Variants in TAFA2 observed in about 807,000 individuals in gnomAD.
The protein encoded by TAFA2 is TAFA chemokine like family member 2.
TAFA2 carries 7 observed loss-of-function variants against 18.8 expected under a neutral mutation model. The observed-to-expected ratio is 0.37, with a 90% CI of 0.21 to 0.70. TAFA2 has a LOEUF of 0.70. Ranked by LOEUF, TAFA2 falls within the 30% of genes least tolerant of loss-of-function variation. The pLI, the probability that TAFA2 is intolerant of heterozygous loss-of-function variation, is 0.53. For missense variants in TAFA2, 122 were observed against 158.1 expected, an observed-to-expected ratio of 0.77 and a Z score of 1.23; for synonymous variants, 60 against 54.2, an observed-to-expected ratio of 1.11 and a Z score of -0.47.
upstream of TAFA2, among the ~76,000 whole-genome samples, chr12:62,193,767 C>A (rs183278996): frequency 6.6e-6 from 1 of 152,236 alleles, no homozygotes; most frequent in East Asian, 1.9e-4. Context: ...CAAAATGTTT[C>A]TGTATGTTCA....
chr12:62,046,407 C>T (rs902140349), intron 1 of TAFA2, among the ~76,000 whole-genome samples: 6 of 151,806 alleles, frequency 4.0e-5, no homozygotes, highest in African/African-American at 1.2e-4. Context: ...ATATGCAGTA[C>T]CTAATTTAGT....
intron 1 of TAFA2, among the ~76,000 whole-genome samples, chr12:62,182,567 C>A (rs1040861229): frequency 6.6e-6 from 1 of 152,212 alleles, no homozygotes; most frequent in African/African-American, 2.4e-5. Flanking sequence ...CCAGAACCTT[C>A]ATTTTAGCAA....
At chr12:62,097,321 A>C (rs1868995367) in intron 1 of TAFA2, among the ~76,000 whole-genome samples, 1 of 152,176 alleles carries the variant, frequency 6.6e-6, no homozygotes, top group Admixed American at 6.6e-5. Context: ...GGAGGTAATA[A>C]TTAAACTAAG....
At chr12:61,840,738 C>T (rs1262168283) in intron 2 of TAFA2, among the ~76,000 whole-genome samples, 4 of 152,024 alleles carry the variant, frequency 2.6e-5, no homozygotes, top group African/African-American at 4.8e-5. Context: ...AAACAATGGT[C>T]TGCTGCTTTT....
At chr12:61,774,659 G>A (rs1294610233) in intron 2 of TAFA2, among the ~76,000 whole-genome samples, 1 of 151,698 alleles carries the variant, frequency 6.6e-6, no homozygotes, top group Non-Finnish European at 1.5e-5. Context: ...GGACTTCAGG[G>A]ATTCGGGGGA....
At chr12:62,222,496 A>ATCAT (rs1338751266) in intron 1 of TAFA2, among the ~76,000 whole-genome samples, 1 of 151,788 alleles carries the variant, frequency 6.6e-6, no homozygotes, top group Non-Finnish European at 1.5e-5. Flanking sequence ...ATTCAAGGAT[A>ATCAT]TTATTTATTA....
intron 1 of TAFA2, among the ~76,000 whole-genome samples, chr12:61,955,962 A>T (rs561945201): frequency 1.2e-4 from 19 of 152,190 alleles, no homozygotes; most frequent in Admixed American, 1.2e-3. Context: ...TACAAATTTT[A>T]AAATTTAGGC....
chr12:61,776,273 A>G, intron 2 of TAFA2: 1 of 191,066 alleles, frequency 5.2e-6, no homozygotes. Context: ...AAAAGAAGGA[A>G]ACCAAAGAGA....
At chr12:62,189,882 G>T (rs2062610208) in intron 1 of TAFA2, among the ~76,000 whole-genome samples, 1 of 151,442 alleles carries the variant, frequency 6.6e-6, no homozygotes, top group African/African-American at 2.4e-5. Flanking sequence ...GAAGGACCCT[G>T]CTACACTACC....
intron 1 of TAFA2, among the ~76,000 whole-genome samples, chr12:62,187,597 G>A (rs529476223): frequency 1.3e-5 from 2 of 152,218 alleles, no homozygotes; most frequent in East Asian, 3.9e-4. Context: ...ATTCCAATAT[G>A]TCTAACTTAT....
chr12:62,003,711 C>T (rs535688218), intron 1 of TAFA2, among the ~76,000 whole-genome samples: 1 of 152,286 alleles, frequency 6.6e-6, no homozygotes, highest in East Asian at 1.9e-4. Flanking sequence ...ATTTAGACTC[C>T]ATGAGGCACA....
intron 1 of TAFA2, among the ~76,000 whole-genome samples, chr12:62,078,416 GA>G (rs71450573): frequency 1.8e-4 from 26 of 143,476 alleles, no homozygotes; most frequent in East Asian, 8.1e-4. Flanking sequence ...AGTATAATTG[GA>G]AAAAAAAAAA....
chr12:61,882,039 C>T (rs899873671), intron 1 of TAFA2, among the ~76,000 whole-genome samples: 1 of 152,072 alleles, frequency 6.6e-6, no homozygotes, highest in African/African-American at 2.4e-5. Context: ...CAAATGAGTG[C>T]CATTATATGA....
chr12:61,777,582 A>T (rs1433802769), intron 2 of TAFA2, among the ~76,000 whole-genome samples: 1 of 151,700 alleles, frequency 6.6e-6, no homozygotes, highest in Non-Finnish European at 1.5e-5. Flanking sequence ...TAGAACACAT[A>T]AATAGGGGCA....
At chr12:62,076,054 T>C (rs1868247387) in intron 1 of TAFA2, among the ~76,000 whole-genome samples, 1 of 152,188 alleles carries the variant, frequency 6.6e-6, no homozygotes, top group Non-Finnish European at 1.5e-5. Context: ...CCCTTTAAAT[T>C]CATACTTCCT....
In TAFA2 at chr12:62,084,477, A is replaced by G. The variant is rs118074862; in HGVS notation, c.-2+106782T>C. Among the ~76,000 whole-genome samples, 1,424 of 152,296 alleles carry G rather than the reference A, an allele frequency of 9.4e-3. 9 individuals are homozygous for G. The highest frequency in any genetic ancestry group is 0.016 in the Non-Finnish European group (1,112 of 68,020). On this transcript the variant is annotated intron_variant, in intron 1 of 4. Transcript: ENST00000416284. ...TGGCATATTTACTAACGCAGAGTCA[A>G]AAATGTTTGCCAAAGCAGTGTTTGG...
In TAFA2 at chr12:62,043,477, G is replaced by A. The variant is rs147996552; in HGVS notation, c.-2+147782C>T. On this transcript the variant is annotated intron_variant, in intron 1 of 4. Transcript: ENST00000416284. The stretch of plus-strand genomic sequence containing the variant: ...GGGGACTGTTGTGAGGTGGGGGTAG[G>A]GGGGAGGGATAGCATTAGGAGATAC... 3.3e-3 allele frequency among the ~76,000 whole-genome samples: 492 copies of A among 149,592 alleles called. 2 individuals carry two copies. The highest frequency in any genetic ancestry group is 0.011 in the African/African-American group (448 of 41,312).
intron 1 of TAFA2, among the ~76,000 whole-genome samples, chr12:61,885,229 CT>C (rs1875323509): frequency 6.6e-6 from 1 of 152,194 alleles, no homozygotes; most frequent in Non-Finnish European, 1.5e-5. Flanking sequence ...TTACAAATCT[CT>C]TGTTCCTTCT....
At chr12:61,844,444 G>C (rs1873318307) in intron 2 of TAFA2, among the ~76,000 whole-genome samples, 1 of 152,050 alleles carries the variant, frequency 6.6e-6, no homozygotes, top group African/African-American at 2.4e-5. Flanking sequence ...CAGTACACGA[G>C]AAAAGCTTTT....
Sources: allele counts gnomAD v4.1 joint callset (sites outside exome capture counted in the v4.1 genomes callset), GRCh38; gene constraint gnomAD v4.1.1; transcripts MANE v1.5; gene names NCBI Gene and HGNC (gene_info 2026-07-23, HGNC 2026-07-21).